Variants in MRTFB observed in about 807,000 individuals in gnomAD.
The protein encoded by MRTFB is myocardin-related transcription factor B.
A neutral mutation model predicts 104.2 loss-of-function variants in MRTFB; 29 were observed. The observed-to-expected ratio is 0.28, with a 90% CI of 0.21 to 0.38. The LOEUF (loss-of-function observed/expected upper bound fraction) is 0.38. Ranked by LOEUF, MRTFB falls within the 10% of genes least tolerant of loss-of-function variation. The pLI, the probability that MRTFB is intolerant of heterozygous loss-of-function variation, is 1.00. For missense variants in MRTFB, 1,270 were observed against 1,341.6 expected, an observed-to-expected ratio of 0.95 and a Z score of 0.83; for synonymous variants, 535 against 519.5, an observed-to-expected ratio of 1.03 and a Z score of -0.41.
intron 3 of MRTFB, among the ~76,000 whole-genome samples, chr16:14,204,233 C>T (rs530983099): frequency 6.6e-6 from 1 of 152,308 alleles, no homozygotes; most frequent in East Asian, 1.9e-4. Flanking sequence ...TCTTCAGCCT[C>T]CCCAAACACT....
chr16:14,214,548 T>A (rs1213929655), intron 6 of MRTFB, among the ~76,000 whole-genome samples: 1 of 152,104 alleles, frequency 6.6e-6, no homozygotes, highest in Non-Finnish European at 1.5e-5. Flanking sequence ...CTTCAGGAGG[T>A]GATATGGCTA....
At chr16:14,115,964 C>T (rs72783479) in intron 2 of MRTFB, among the ~76,000 whole-genome samples, 8,724 of 152,280 alleles carry the variant, frequency 0.057, 494 homozygotes, top group East Asian at 0.29. Context: ...CACTCCATCT[C>T]CTTGCCTCTT....
rs2043894579 is a variant in MRTFB, at chr16:14,264,907, T to A, written c.*3463T>A. On this transcript the variant is annotated 3_prime_UTR_variant, in exon 17 of 17. Coordinates refer to ENST00000571589, the MANE Select transcript of MRTFB (RefSeq NM_001308142.2). Reference sequence around the variant, plus strand: ...CCAGGCAGCATAGCTTTCTTCACAGTCCTTTCAGAATTCCCAGGCTGAAAT... The same window carrying A: ...CCAGGCAGCATAGCTTTCTTCACAGACCTTTCAGAATTCCCAGGCTGAAAT... 6.6e-6 allele frequency: 1 copy of A among 152,244 alleles called. No individual in the cohort carries two copies. The highest frequency in any genetic ancestry group is 1.5e-5 in the Non-Finnish European group (1 of 68,048). 9.4% of individuals were successfully genotyped at this position (152,244 alleles called of 1,614,324 possible).
Position 14,261,216 on chromosome 16 carries a change from T to C in MRTFB, c.3072T>C (p.Gly1024=), listed in dbSNP as rs1478907913. 1.2e-6 allele frequency: 2 copies of C among 1,614,144 alleles called. No homozygotes were observed. The highest frequency in any genetic ancestry group is 1.7e-6 in the Non-Finnish European group (2 of 1,180,018). ...AGAATGATCTGCTGAGTCACTCAGGTATGCTGGACCATTCACACTCACCCA... is the reference window on the plus strand; with the variant it reads ...AGAATGATCTGCTGAGTCACTCAGGCATGCTGGACCATTCACACTCACCCA... ...DLQNDLLSHS[G]MLDHSHSPME... Residue 1024 remains glycine (G), a synonymous_variant, in exon 17 of 17, where the codon GGT becomes GGC. Coordinates refer to ENST00000571589, the MANE Select transcript of MRTFB (RefSeq NM_001308142.2).
rs2036692449 is a variant in MRTFB, at chr16:14,118,944, T to C, written c.-63-21600T>C. ...AGCAGTAATTCTTTCAGTTTTGTTGTATGATATTTTAGGACTACACTACAG... is the reference window on the plus strand; with the variant it reads ...AGCAGTAATTCTTTCAGTTTTGTTGCATGATATTTTAGGACTACACTACAG... On this transcript the variant is annotated intron_variant, in intron 2 of 16. Transcript: ENST00000571589. Among the ~76,000 whole-genome samples the C allele has an allele frequency of 2.7e-5, 3 of 112,424 alleles. No homozygotes were observed. In the East Asian group the frequency reaches 1.1e-3, roughly 43 times the overall value. The allele number at this position is 112,424 out of a possible 152,430, so 73.8% of individuals were successfully genotyped here. A position where few individuals can be genotyped will look rare whatever the true frequency, so the allele number is the denominator to read the frequency against.
chr16:14,058,334 A>C, the MRTFB span, among the ~76,000 whole-genome samples: 1 of 152,146 alleles, frequency 6.6e-6, no homozygotes, highest in Non-Finnish European at 1.5e-5. Flanking sequence ...AATAACTACA[A>C]GTAGCTACAA....
At chr16:14,017,017 C>T in the MRTFB span, among the ~76,000 whole-genome samples, 1 of 151,288 alleles carries the variant, frequency 6.6e-6, no homozygotes. Context: ...TCAAATAGAA[C>T]CTAGCTTGAT....
the MRTFB span, among the ~76,000 whole-genome samples, chr16:14,006,734 A>T: frequency 1.3e-5 from 2 of 151,618 alleles, no homozygotes; most frequent in Non-Finnish European, 1.5e-5. Flanking sequence ...GAGCTTTATT[A>T]GCTGGGTGTG....
chr16:14,127,927 A>ATT (rs1300874035), intron 2 of MRTFB, among the ~76,000 whole-genome samples: 96 of 38,742 alleles, frequency 2.5e-3, no homozygotes, highest in African/African-American at 0.022. Flanking sequence ...ATATATATAT[A>ATT]TATTTTTTTT....
chr16:14,130,544 C>A (rs2037385807), intron 2 of MRTFB, among the ~76,000 whole-genome samples: 1 of 152,028 alleles, frequency 6.6e-6, no homozygotes, highest in South Asian at 2.1e-4. Flanking sequence ...GAGTTATAGC[C>A]CAGACTTGCC....
chr16:13,999,602 T>G, the MRTFB span, among the ~76,000 whole-genome samples: 2 of 152,196 alleles, frequency 1.3e-5, no homozygotes, highest in South Asian at 2.1e-4. Flanking sequence ...CAGGCATTTG[T>G]GACCATGGGG....
intron 2 of MRTFB, among the ~76,000 whole-genome samples, chr16:14,124,147 G>T (rs1181669484): frequency 6.6e-6 from 1 of 152,202 alleles, no homozygotes; most frequent in Non-Finnish European, 1.5e-5. Context: ...TTGCTTATCA[G>T]CTTAAGGAGA....
chr16:14,251,015 G>C (rs1467458964), intron 13 of MRTFB, among the ~76,000 whole-genome samples: 1 of 152,210 alleles, frequency 6.6e-6, no homozygotes, highest in Non-Finnish European at 1.5e-5. Context: ...AAGTGGCTTT[G>C]ACGCCTGGGA....
intron 2 of MRTFB, among the ~76,000 whole-genome samples, chr16:14,087,236 G>T (rs1887197434): frequency 6.6e-6 from 1 of 152,186 alleles, no homozygotes; most frequent in African/African-American, 2.4e-5. Flanking sequence ...TTGGAAAGGG[G>T]AGGAGAGAAC....
intron 3 of MRTFB, among the ~76,000 whole-genome samples, chr16:14,186,498 CTCTTT>C (rs1483908302): frequency 6.6e-6 from 1 of 152,228 alleles, no homozygotes; most frequent in Admixed American, 6.5e-5. Flanking sequence ...GCAAAGTCTT[CTCTTT>C]TAACAACTAG....
chr16:14,031,329 G>A, the MRTFB span, among the ~76,000 whole-genome samples: 1 of 151,890 alleles, frequency 6.6e-6, no homozygotes, highest in African/African-American at 2.4e-5. Context: ...AGGCGGAGGA[G>A]GTTGCAGTGA....
chr16:14,091,048 G>A lies in MRTFB; in HGVS notation c.-64+11694G>A, dbSNP rs540816089. Among the ~76,000 whole-genome samples the A allele has an allele frequency of 5.9e-5, 9 of 152,198 alleles. No individual in the cohort carries two copies. In the South Asian group the frequency reaches 1.9e-3, roughly 32 times the overall value. On this transcript the variant is annotated intron_variant, in intron 2 of 16. Transcript: ENST00000571589. Reference sequence around the variant, plus strand: ...ATTTAGATTTTGCCCTTAGTGATGGGGAGTCACTGAAGAGTCCAGCAGCGG... The same window carrying A: ...ATTTAGATTTTGCCCTTAGTGATGGAGAGTCACTGAAGAGTCCAGCAGCGG...
chr16:14,194,364 G>C (rs1298931125), intron 3 of MRTFB, among the ~76,000 whole-genome samples: 1 of 152,208 alleles, frequency 6.6e-6, no homozygotes, highest in Non-Finnish European at 1.5e-5. Flanking sequence ...GAAAGAGGGA[G>C]GGTGAGCCCT....
chr16:14,252,744 T>G (rs1306191567), intron 15 of MRTFB, among the ~76,000 whole-genome samples: 1 of 152,246 alleles, frequency 6.6e-6, no homozygotes, highest in African/African-American at 2.4e-5. Context: ...GGTTTATCTC[T>G]TAACTTTTCT....
Sources: gnomAD v4.1 joint callset for allele counts (sites outside exome capture counted in the v4.1 genomes callset) on GRCh38, gnomAD v4.1.1 for gene constraint, MANE v1.5 for transcripts, NCBI Gene and HGNC (gene_info 2026-07-23, HGNC 2026-07-21) for gene names.